Variants in PTPRN2 observed in about 807,000 individuals in gnomAD.
The protein encoded by PTPRN2 is receptor-type tyrosine-protein phosphatase N2.
A neutral mutation model predicts 118.8 loss-of-function variants in PTPRN2; 74 were observed. The ratio of observed to expected loss-of-function variants is 0.62; its 90% CI spans 0.52 to 0.76. PTPRN2 has a LOEUF of 0.76. Ranked by LOEUF, PTPRN2 falls within the 30% of genes least tolerant of loss-of-function variation. PTPRN2 has a pLI of 0.00. For missense variants in PTPRN2, 1,481 were observed against 1,394.4 expected (o/e 1.06, Z -0.99); for synonymous variants, 641 against 608.0 (o/e 1.05, Z -0.80).
At chr7:157,728,200 C>A (rs553408527) in intron 12 of PTPRN2, among the ~76,000 whole-genome samples, 1 of 152,208 alleles carries the variant, frequency 6.6e-6, no homozygotes, top group Non-Finnish European at 1.5e-5. Flanking sequence ...CAGATGGGGC[C>A]GACTCTGCCG....
intron 2 of PTPRN2, among the ~76,000 whole-genome samples, chr7:158,408,345 T>C (rs908829777): frequency 6.6e-6 from 1 of 152,252 alleles, no homozygotes; most frequent in African/African-American, 2.4e-5. Context: ...GATTTTCTTC[T>C]TCCTAGGCCA....
intron 11 of PTPRN2, among the ~76,000 whole-genome samples, chr7:158,070,271 G>T (rs1022449857): frequency 2.8e-5 from 4 of 143,780 alleles, no homozygotes; most frequent in Admixed American, 6.7e-5. Context: ...TGATGGAGGT[G>T]CTCATGGTGG....
At chr7:158,504,101 C>G (rs777810424) in intron 1 of PTPRN2, among the ~76,000 whole-genome samples, 1 of 152,084 alleles carries the variant, frequency 6.6e-6, no homozygotes, top group Non-Finnish European at 1.5e-5. Context: ...TAACTCATTA[C>G]CTAGAGATAA....
intron 20 of PTPRN2, among the ~76,000 whole-genome samples, chr7:157,570,872 G>T (rs1210157008): frequency 6.6e-6 from 1 of 152,194 alleles, no homozygotes; most frequent in African/African-American, 2.4e-5. Context: ...GGACCACAGG[G>T]TTTAAGAACA....
rs117993343 is a variant in PTPRN2 at position 158,185,043 on chromosome 7, G to T, written c.549+7284C>A. On this transcript the variant is annotated intron_variant, in intron 5 of 22. Coordinates refer to ENST00000389418, the MANE Select transcript of PTPRN2 (RefSeq NM_002847.5). ...TATGTAACTATGGTGAGTTATGTTG[G>T]TTGATGTTTAAATGTTCGATATACC... Among the ~76,000 whole-genome samples the T allele has an allele frequency of 4.6e-3, 700 of 152,228 alleles. 7 individuals are homozygous for T. Among genetic ancestry groups the T allele is most frequent in the Admixed American group, 5.6e-3 (86 of 15,290 alleles).
At chr7:158,460,953 C>T (rs1455437880) in intron 2 of PTPRN2, among the ~76,000 whole-genome samples, 2 of 152,198 alleles carry the variant, frequency 1.3e-5, no homozygotes, top group Admixed American at 6.5e-5. Flanking sequence ...TCAGCTGATC[C>T]ACATAAAGTT....
intron 12 of PTPRN2, among the ~76,000 whole-genome samples, chr7:157,724,986 T>C (rs1291114150): frequency 6.6e-6 from 1 of 152,250 alleles, no homozygotes; most frequent in Non-Finnish European, 1.5e-5. Context: ...AACTAAATTT[T>C]ATAACCTTAA....
At position 157,987,665 on chromosome 7, in the gene PTPRN2, C is replaced by T. The variant is rs538807813; in HGVS notation, c.1724-88928G>A. 3.3e-5 allele frequency among the ~76,000 whole-genome samples: 5 copies of T among 152,212 alleles called. No homozygotes were observed. Among genetic ancestry groups the T allele is most frequent in the African/African-American group, 1.2e-4 (5 of 41,524 alleles). ...GTGAACAGTTGGAATACAGGTTCCT[C>T]GGGCCTGTCCTAAATGCTATCAGTC... On this transcript the variant is annotated intron_variant, in intron 11 of 22. Coordinates refer to ENST00000389418, the MANE Select transcript of PTPRN2 (RefSeq NM_002847.5). This position sits in a 1 kb window ranked among gnomAD's most constrained non-coding sequence, Gnocchi z 4.3.
chr7:158,506,775 C>T (rs1822779215), intron 1 of PTPRN2, among the ~76,000 whole-genome samples: 1 of 152,098 alleles, frequency 6.6e-6, no homozygotes, highest in Non-Finnish European at 1.5e-5. Flanking sequence ...TGCCGGGGGC[C>T]TCCGAAGGCC....
chr7:158,018,409 A>C (rs4716879), intron 11 of PTPRN2, among the ~76,000 whole-genome samples: 91,989 of 152,168 alleles, frequency 0.6, 28,487 homozygotes, highest in East Asian at 0.76. Flanking sequence ...GGAGCATATA[A>C]ATCCCTGTTT....
intron 3 of PTPRN2, among the ~76,000 whole-genome samples, chr7:158,281,510 C>A (rs1374601071): frequency 6.6e-6 from 1 of 152,216 alleles, no homozygotes; most frequent in African/African-American, 2.4e-5. Flanking sequence ...TTGTCATATG[C>A]CCACAGTCTG....
intron 2 of PTPRN2, among the ~76,000 whole-genome samples, chr7:158,341,205 C>T (rs566647685): frequency 6.0e-5 from 9 of 150,258 alleles, no homozygotes; most frequent in Non-Finnish European, 1.2e-4. Flanking sequence ...GAGGTAACAC[C>T]TGCAGACGTC....
intron 12 of PTPRN2, among the ~76,000 whole-genome samples, chr7:157,776,900 C>T: frequency 3.6e-5 from 1 of 27,824 alleles, no homozygotes; most frequent in Admixed American, 3.9e-4. Flanking sequence ...TCTCCTCCTC[C>T]TTCTCCCCCT....
At position 158,509,680 on chromosome 7, in the gene PTPRN2, A is replaced by G. The variant is rs1823035334; in HGVS notation, c.113-19895T>C. On this transcript the variant is annotated intron_variant, in intron 1 of 22. Coordinates refer to ENST00000389418, the MANE Select transcript of PTPRN2 (RefSeq NM_002847.5). This position sits in a 1 kb window ranked among gnomAD's most constrained non-coding sequence, Gnocchi z 4.4. ...GCTCTACTGACAACACACTAGCAGA[A>G]GAGACCACACGTCTGTCAGCGCCCA... Among the ~76,000 whole-genome samples, 1 of 152,248 alleles carries G rather than the reference A, an allele frequency of 6.6e-6. No individual in the cohort carries two copies. Among genetic ancestry groups the G allele is most frequent in the South Asian group, 2.1e-4 (1 of 4,838 alleles).
intron 11 of PTPRN2, among the ~76,000 whole-genome samples, chr7:157,984,363 C>T (rs1345922164): frequency 2.6e-5 from 3 of 116,402 alleles, no homozygotes; most frequent in East Asian, 5.6e-4. Context: ...CCCAATCCCA[C>T]GCCAGGCTCC....
At chr7:157,718,775 C>T (rs545959870) in intron 12 of PTPRN2, among the ~76,000 whole-genome samples, 72 of 149,488 alleles carry the variant, frequency 4.8e-4, no homozygotes, top group East Asian at 3.0e-3. Context: ...AGTCTCAGCA[C>T]GTCCAGGCGT....
chr7:157,782,692 C>T (rs1407288003), intron 12 of PTPRN2, among the ~76,000 whole-genome samples: 1 of 152,254 alleles, frequency 6.6e-6, no homozygotes, highest in African/African-American at 2.4e-5. Context: ...TGGAAAATGA[C>T]TACCCAAGAG....
At chr7:157,662,119 TACTG>T (rs1795920061) in intron 13 of PTPRN2, among the ~76,000 whole-genome samples, 1 of 152,218 alleles carries the variant, frequency 6.6e-6, no homozygotes, top group Non-Finnish European at 1.5e-5. Flanking sequence ...CTTCAGGTCT[TACTG>T]ACTGTGTGGC....
intron 2 of PTPRN2, among the ~76,000 whole-genome samples, chr7:158,459,176 T>C (rs1050984648): frequency 2.0e-5 from 3 of 149,524 alleles, no homozygotes; most frequent in African/African-American, 7.4e-5. Flanking sequence ...CTTGAGGCTG[T>C]GGCTCCAAGT....
Sources: gnomAD v4.1 joint callset for allele counts (sites outside exome capture counted in the v4.1 genomes callset) on GRCh38, gnomAD v4.1.1 for gene constraint, Gnocchi (gnomAD v3.1) non-coding constraint, MANE v1.5 for transcripts, NCBI Gene and HGNC (gene_info 2026-07-23, HGNC 2026-07-21) for gene names.